The following SPHKAP variants were observed in gnomAD, a reference collection of about 807,000 sequenced individuals.
The protein encoded by SPHKAP is SPHK1 interactor, AKAP domain containing, also known as A-kinase anchor protein SPHKAP.
Under a neutral mutation model 137.5 loss-of-function variants are expected in SPHKAP, and 67 were observed. The observed-to-expected ratio is 0.49, with a 90% CI of 0.40 to 0.60. The LOEUF (loss-of-function observed/expected upper bound fraction) is 0.60, where lower values mean the gene tolerates loss of function less well. Ranked by LOEUF, SPHKAP falls within the 20% of genes least tolerant of loss-of-function variation. The pLI, the probability that SPHKAP is intolerant of heterozygous loss-of-function variation, is 0.00. For missense variants in SPHKAP, 2,097 were observed against 2,069.3 expected (o/e 1.01, Z -0.26); for synonymous variants, 813 against 785.3 (o/e 1.04, Z -0.59).
At chr2:228,056,772 TA>T (rs1696462872) in intron 3 of SPHKAP, among the ~76,000 whole-genome samples, 1 of 152,182 alleles carries the variant, frequency 6.6e-6, no homozygotes, top group Non-Finnish European at 1.5e-5. Flanking sequence ...GAATTACTTT[TA>T]TACTCTTTGC....
intron 3 of SPHKAP, among the ~76,000 whole-genome samples, chr2:228,035,956 C>T (rs1376101215): frequency 6.6e-6 from 1 of 150,552 alleles, no homozygotes; most frequent in Non-Finnish European, 1.5e-5. Context: ...CAATACCATT[C>T]AGGACATAGG....
intron 3 of SPHKAP, among the ~76,000 whole-genome samples, chr2:228,032,617 C>T (rs1027241848): frequency 9.2e-5 from 14 of 152,244 alleles, no homozygotes; most frequent in African/African-American, 3.4e-4. Context: ...ATGTTAAGGG[C>T]AGCCAGAGAG....
chr2:228,103,186 C>A (rs569269834), intron 3 of SPHKAP, among the ~76,000 whole-genome samples: 1 of 152,202 alleles, frequency 6.6e-6, no homozygotes, highest in Admixed American at 6.5e-5. Flanking sequence ...CCCAACCCCC[C>A]ACAGAAACCT....
intron 3 of SPHKAP, among the ~76,000 whole-genome samples, chr2:228,053,849 A>G (rs887665277): frequency 1.3e-5 from 2 of 152,070 alleles, no homozygotes; most frequent in Non-Finnish European, 2.9e-5. Flanking sequence ...TCTCTCATCC[A>G]TTGTCCCATT....
intron 7 of SPHKAP, among the ~76,000 whole-genome samples, chr2:228,006,478 G>T (rs1243272688): frequency 2.0e-5 from 3 of 152,104 alleles, no homozygotes; most frequent in Non-Finnish European, 4.4e-5. Flanking sequence ...CTTTGCCATG[G>T]TTTCAAACTT....
At chr2:228,034,139 T>A (rs1174653709) in intron 3 of SPHKAP, among the ~76,000 whole-genome samples, 1 of 151,970 alleles carries the variant, frequency 6.6e-6, no homozygotes, top group African/African-American at 2.4e-5. Flanking sequence ...CTAGCAAGAC[T>A]AATAAAGAAG....
chr2:228,139,185 A>C (rs1367936845), intron 1 of SPHKAP, among the ~76,000 whole-genome samples: 1 of 152,172 alleles, frequency 6.6e-6, no homozygotes. Flanking sequence ...AACAGCGGAA[A>C]AATTCCCTAT....
At chr2:228,030,511 C>T (rs1695250537) in intron 3 of SPHKAP, among the ~76,000 whole-genome samples, 1 of 49,706 alleles carries the variant, frequency 2.0e-5, no homozygotes, top group Non-Finnish European at 3.5e-5. Flanking sequence ...AAGATACCAT[C>T]TCAAAAAAAA....
chr2:228,028,808 G>T (rs1269159042), intron 3 of SPHKAP, among the ~76,000 whole-genome samples: 1 of 152,142 alleles, frequency 6.6e-6, no homozygotes, highest in Non-Finnish European at 1.5e-5. Context: ...CTCATAACAT[G>T]TCCCTAACAG....
At chr2:228,098,463 G>A (rs1394969229) in intron 3 of SPHKAP, among the ~76,000 whole-genome samples, 2 of 152,096 alleles carry the variant, frequency 1.3e-5, no homozygotes, top group East Asian at 3.9e-4. Context: ...TCCTTTGTAG[G>A]GACATGGATG....
chr2:228,001,362 T>C (rs1448265687), intron 7 of SPHKAP, among the ~76,000 whole-genome samples: 1 of 143,670 alleles, frequency 7.0e-6, no homozygotes, highest in Non-Finnish European at 1.5e-5. Context: ...TATATAAATA[T>C]ATACACACAT....
At chr2:228,177,805 A>G (rs981809163) in intron 1 of SPHKAP, among the ~76,000 whole-genome samples, 4 of 152,218 alleles carry the variant, frequency 2.6e-5, no homozygotes, top group Non-Finnish European at 5.9e-5. Flanking sequence ...TATATACATT[A>G]TTACACATGG....
chr2:228,138,344 C>T (rs958838179), intron 1 of SPHKAP, among the ~76,000 whole-genome samples: 1 of 152,200 alleles, frequency 6.6e-6, no homozygotes, highest in Non-Finnish European at 1.5e-5. Flanking sequence ...CGACAGCTCT[C>T]ACTCCTGCTG....
intron 3 of SPHKAP, among the ~76,000 whole-genome samples, chr2:228,099,995 G>A (rs570584190): frequency 8.5e-5 from 13 of 152,076 alleles, no homozygotes; most frequent in South Asian, 2.1e-4. Flanking sequence ...GACTACAGGC[G>A]CCCGCCATCA....
At chr2:227,982,571 G>A (rs1172480429) in intron 11 of SPHKAP, among the ~76,000 whole-genome samples, 1 of 152,218 alleles carries the variant, frequency 6.6e-6, no homozygotes, top group Non-Finnish European at 1.5e-5. Flanking sequence ...TCATGGAACT[G>A]ATGAAGTCCA....
chr2:228,081,871 T>C lies in SPHKAP; in HGVS notation c.246+26961A>G, dbSNP rs567786292. 4.6e-5 allele frequency among the ~76,000 whole-genome samples: 7 copies of C among 152,212 alleles called. No individual in the cohort carries two copies. In the South Asian group the frequency reaches 1.2e-3, roughly 27 times the overall value. ...GAAGGAATAAGTTCAAGAAATCTATTGTAGAAGATGATGACTGTAGTTAAT... is the reference window on the plus strand; with the variant it reads ...GAAGGAATAAGTTCAAGAAATCTATCGTAGAAGATGATGACTGTAGTTAAT... On this transcript the variant is annotated intron_variant, in intron 3 of 11. Transcript: ENST00000392056.
At chr2:228,180,256 C>T (rs930612649) in intron 1 of SPHKAP, among the ~76,000 whole-genome samples, 69 of 152,178 alleles carry the variant, frequency 4.5e-4, no homozygotes, top group African/African-American at 1.5e-3. Flanking sequence ...AGCGAAGGGA[C>T]GCTTAAGGAG....
At chr2:228,127,395 A>G (rs545416420) in intron 2 of SPHKAP, among the ~76,000 whole-genome samples, 4 of 152,338 alleles carry the variant, frequency 2.6e-5, no homozygotes, top group Admixed American at 2.6e-4. Flanking sequence ...TACAAAGAAG[A>G]AGAAAACATT....
chr2:228,092,274 C>T (rs1469491165), intron 3 of SPHKAP, among the ~76,000 whole-genome samples: 4 of 142,730 alleles, frequency 2.8e-5, no homozygotes, highest in African/African-American at 5.3e-5. Flanking sequence ...TACACACACA[C>T]GTGTATGTGC....
Sources: allele counts gnomAD v4.1 joint callset (sites outside exome capture counted in the v4.1 genomes callset), GRCh38; gene constraint gnomAD v4.1.1; transcripts MANE v1.5; gene names NCBI Gene and HGNC (gene_info 2026-07-23, HGNC 2026-07-21).